MTUS1: variants seen among roughly 807,000 people sequenced by gnomAD.
MTUS1 encodes microtubule-associated tumor suppressor 1.
MTUS1 carries 109 observed loss-of-function variants against 120.8 expected under a neutral mutation model. The ratio of observed to expected loss-of-function variants is 0.90; its 90% confidence interval spans 0.77 to 1.06. The LOEUF is 1.06. Ranked by LOEUF, MTUS1 falls within the 50% of genes least tolerant of loss-of-function variation. MTUS1 has a pLI of 0.00. For missense variants in MTUS1, 2,210 were observed against 1,486.3 expected, an observed-to-expected ratio of 1.49 and a Z score of -8.01; for synonymous variants, 737 against 550.5, an observed-to-expected ratio of 1.34 and a Z score of -4.74.
At chr8:17,713,356 A>G in intron 5 of MTUS1, 104 bp from the exon 6 acceptor site, 1 of 744,180 alleles carries the variant, frequency 1.3e-6, no homozygotes, top group South Asian at 1.7e-5. Context: ...ATCAATCGCT[A>G]CATTTCAGGT....
intron 6 of MTUS1, among the ~76,000 whole-genome samples, chr8:17,703,229 C>T (rs747266580): frequency 2.6e-5 from 4 of 152,066 alleles, no homozygotes; most frequent in Non-Finnish European, 5.9e-5. Context: ...GGAGAGATAT[C>T]GTTAAATTCT....
intron 3 of MTUS1, among the ~76,000 whole-genome samples, chr8:17,741,440 C>A (rs1191273382): frequency 6.6e-6 from 1 of 152,176 alleles, no homozygotes; most frequent in African/African-American, 2.4e-5. Flanking sequence ...ATACAGAAAA[C>A]CACCCAGTAA....
At position 17,703,155 on chromosome 8, in the gene MTUS1, C is replaced by T. The variant is rs191422216; in HGVS notation, c.2623+10059G>A. On this transcript the variant is annotated intron_variant, in intron 6 of 14. Transcript: ENST00000693296. ...CAACCATAAGGTCTGACTGCCTGCG[C>T]GGTCGGGCAGAATACAGCCATATTT... Among the ~76,000 whole-genome samples the T allele has an allele frequency of 6.2e-3, 946 of 152,192 alleles. 13 individuals carry two copies. Among genetic ancestry groups the T allele is most frequent in the African/African-American group, 0.021 (889 of 41,514 alleles).
chr8:17,721,413 G>T (rs531868563), intron 4 of MTUS1, among the ~76,000 whole-genome samples: 1 of 152,178 alleles, frequency 6.6e-6, no homozygotes, highest in Admixed American at 6.5e-5. Flanking sequence ...ACAAAAACTA[G>T]TTATTTCATA....
chr8:17,689,213 A>AAAACAAAC (rs748756365), intron 6 of MTUS1, among the ~76,000 whole-genome samples: 9 of 152,232 alleles, frequency 5.9e-5, no homozygotes, highest in African/African-American at 2.2e-4. Flanking sequence ...TCCGTTCTCA[A>AAAACAAAC]AAACAAACAA....
Position 17,766,801 on chromosome 8 carries a change from G to A in MTUS1, c.-154-10840C>T, listed in dbSNP as rs142897064. On this transcript the variant is annotated intron_variant, in intron 1 of 14. Transcript: ENST00000693296. Reference sequence around the variant, plus strand: ...AAATTTTATTTTCTTGTTTTGGTAGGTAGATTGAATTGAGAATCATATAAT... The same window carrying A: ...AAATTTTATTTTCTTGTTTTGGTAGATAGATTGAATTGAGAATCATATAAT... Among the ~76,000 whole-genome samples the A allele has an allele frequency of 4.6e-5, 7 of 152,220 alleles. No individual in the cohort carries two copies. The East Asian group carries it at 1.4e-3, about 29-fold the overall frequency.
chr8:17,656,866 T>G (rs1188524869), intron 8 of MTUS1, among the ~76,000 whole-genome samples: 1 of 151,114 alleles, frequency 6.6e-6, no homozygotes, highest in Non-Finnish European at 1.5e-5. Context: ...GGTCAGGAGA[T>G]CGAGACCACG....
intron 6 of MTUS1, among the ~76,000 whole-genome samples, chr8:17,686,742 T>C (rs1815894277): frequency 6.6e-6 from 1 of 152,228 alleles, no homozygotes; most frequent in Admixed American, 6.5e-5. Flanking sequence ...TTCTTGCTTT[T>C]TGCTTATAAA....
At chr8:17,727,750 T>C (rs1018050031) in intron 3 of MTUS1, among the ~76,000 whole-genome samples, 15 of 152,222 alleles carry the variant, frequency 9.9e-5, no homozygotes, top group African/African-American at 3.6e-4. Flanking sequence ...TAAGATCTAC[T>C]TGCAGGATAT....
At chr8:17,774,598 G>A (rs913351106) in intron 1 of MTUS1, among the ~76,000 whole-genome samples, 2 of 152,136 alleles carry the variant, frequency 1.3e-5, no homozygotes, top group Non-Finnish European at 2.9e-5. Flanking sequence ...CAAAATGCTG[G>A]TGAGGATATG....
At chr8:17,682,211 T>C (rs550229532) in intron 7 of MTUS1, among the ~76,000 whole-genome samples, 9 of 152,028 alleles carry the variant, frequency 5.9e-5, no homozygotes, top group East Asian at 5.8e-4. Flanking sequence ...AGCCTAATGA[T>C]TGGTTAAAAA....
intron 3 of MTUS1, among the ~76,000 whole-genome samples, chr8:17,742,828 T>G (rs1329732617): frequency 6.6e-6 from 1 of 152,220 alleles, no homozygotes; most frequent in Non-Finnish European, 1.5e-5. Flanking sequence ...CTCACGTGTG[T>G]GGACACATAA....
Position 17,715,901 on chromosome 8 carries a change from G to A in MTUS1, c.2450C>T (p.Ser817Phe). 14 of 1,607,454 alleles carry A rather than the reference G, an allele frequency of 8.7e-6. No individual in the cohort carries two copies. The highest frequency in any genetic ancestry group is 4.5e-5 in the East Asian group (2 of 44,810). ...HSELSTYSNN[S>F]GNAAVIKYEE... ...ATATTTGATGACAGCGGCATTACCA[G>A]CTGTAATAAAACAGAAAAGTACATT... is the stretch of plus-strand genomic sequence containing the variant. The change falls in exon 5 of 15, where the codon TCT becomes TTT. Residue 817 changes from serine (S) to phenylalanine (F), a missense_variant and splice_region_variant. By Grantham distance (155) the Ser-to-Phe change is radical. Transcript: ENST00000693296.
chr8:17,780,869 A>G (rs959347251), intron 1 of MTUS1: 1 of 152,238 alleles, frequency 6.6e-6, no homozygotes, highest in African/African-American at 2.4e-5. Flanking sequence ...AATTAGCAAC[A>G]GACTAACCTT....
intron 2 of MTUS1, among the ~76,000 whole-genome samples, 199 bp from the exon 3 acceptor site, chr8:17,743,998 C>G (rs1248516179): frequency 6.6e-6 from 1 of 152,296 alleles, no homozygotes; most frequent in Middle Eastern, 3.4e-3. Context: ...CCAGAATTAA[C>G]ATTAAAACAG....
intron 1 of MTUS1, among the ~76,000 whole-genome samples, chr8:17,764,044 C>G (rs1443591696): frequency 6.6e-6 from 1 of 152,098 alleles, no homozygotes; most frequent in African/African-American, 2.4e-5. Flanking sequence ...TCTCAGCGAG[C>G]AAGAAATAAA....
intron 1 of MTUS1, among the ~76,000 whole-genome samples, chr8:17,795,705 T>A (rs1355259277): frequency 6.6e-6 from 1 of 152,230 alleles, no homozygotes; most frequent in African/African-American, 2.4e-5. Context: ...AGTGATGCGA[T>A]CTCGGCTCAC....
At chr8:17,654,881 C>T (rs7000435) in intron 9 of MTUS1, 44,844 of 566,520 alleles carry the variant, frequency 0.079, 2,108 homozygotes, top group Middle Eastern at 0.12. Flanking sequence ...TGGAGCCCAG[C>T]AGTTCAAGTC....
chr8:17,713,762 G>A (rs1193255164), intron 5 of MTUS1, among the ~76,000 whole-genome samples: 1 of 152,158 alleles, frequency 6.6e-6, no homozygotes, highest in Non-Finnish European at 1.5e-5. Context: ...GTCACTAAAA[G>A]AAATCTATGA....
Sources: gnomAD v4.1 joint callset for allele counts (sites outside exome capture counted in the v4.1 genomes callset) on GRCh38, gnomAD v4.1.1 for gene constraint, MANE v1.5 for transcripts, NCBI Gene and HGNC (gene_info 2026-07-23, HGNC 2026-07-21) for gene names.